GSE1: variants seen among roughly 807,000 people sequenced by gnomAD.
GSE1 encodes the protein Gse1 coiled-coil protein, also known as genetic suppressor element 1.
In GSE1, 32 loss-of-function variants were observed where a neutral mutation model predicts 112.6. That is an observed-to-expected ratio of 0.28 (90% confidence interval 0.21 to 0.38). The LOEUF is 0.38. Ranked by LOEUF, GSE1 falls within the 10% of genes least tolerant of loss-of-function variation. The pLI, the probability that GSE1 is intolerant of heterozygous loss-of-function variation, is 1.00. For synonymous variants in GSE1, 1,115 were observed against 735.6 expected (o/e 1.52, Z -8.35); for missense variants, 2,348 against 1,699.2 (o/e 1.38, Z -6.71).
At chr16:85,303,458 C>G (rs1344025121) in intron 1 of GSE1, among the ~76,000 whole-genome samples, 5 of 152,356 alleles carry the variant, frequency 3.3e-5, no homozygotes, top group Admixed American at 1.3e-4. Flanking sequence ...CTCCTAGCCA[C>G]CAGAGGGCGC....
intron 1 of GSE1, among the ~76,000 whole-genome samples, chr16:85,209,802 G>C (rs552272970): frequency 6.6e-6 from 1 of 152,218 alleles, no homozygotes; most frequent in Non-Finnish European, 1.5e-5. Flanking sequence ...TGAGGGGGCC[G>C]CTGGGAGAGG....
intron 2 of GSE1, among the ~76,000 whole-genome samples, chr16:85,493,671 T>C (rs1322928439): frequency 1.3e-5 from 2 of 151,626 alleles, no homozygotes; most frequent in Non-Finnish European, 2.9e-5. Flanking sequence ...GAGAATCGCT[T>C]GAACCCGGGA....
intron 2 of GSE1, among the ~76,000 whole-genome samples, chr16:85,360,275 T>G: frequency 6.7e-6 from 1 of 149,810 alleles, no homozygotes. Context: ...AGTCTGGGGG[T>G]GCCAAGAAGG....
chr16:85,482,867 C>T (rs193239970), intron 2 of GSE1, among the ~76,000 whole-genome samples: 175 of 151,934 alleles, frequency 1.2e-3, no homozygotes, highest in Non-Finnish European at 2.1e-3. Context: ...AATCTCAGCT[C>T]CTTGGGAGGC....
chr16:85,476,774 A>ATTTTT (rs549006723), intron 2 of GSE1, among the ~76,000 whole-genome samples: 1 of 127,518 alleles, frequency 7.8e-6, no homozygotes, highest in African/African-American at 2.8e-5. Context: ...ACGCCTGACC[A>ATTTTT]TTTTTTTTTT....
chr16:85,170,252 A>T (rs930521510), exon 1 of GSE1: 1 of 985,400 alleles, frequency 1.0e-6, no homozygotes, highest in African/African-American at 1.7e-5. Flanking sequence ...GCGAAGGCCC[A>T]CGCGGATGGG....
At chr16:85,564,390 G>A (rs756603649) in intron 1 of GSE1, among the ~76,000 whole-genome samples, 1 of 152,228 alleles carries the variant, frequency 6.6e-6, no homozygotes, top group Non-Finnish European at 1.5e-5. Flanking sequence ...TGGTGTTGGT[G>A]GTGGTGTGTG....
At chr16:85,361,825 A>C (rs767365059) in intron 2 of GSE1, among the ~76,000 whole-genome samples, 25 of 152,112 alleles carry the variant, frequency 1.6e-4, no homozygotes, top group Non-Finnish European at 2.9e-4. Context: ...GAAGGCGGTG[A>C]TGAGTTTGGT....
chr16:85,372,697 A>G (rs1481368810), intron 2 of GSE1, among the ~76,000 whole-genome samples: 3 of 152,056 alleles, frequency 2.0e-5, no homozygotes, highest in African/African-American at 7.3e-5. Context: ...TAGATTCCAG[A>G]TCCCAGTTCC....
chr16:85,315,233 G>C (rs2045962244), intron 1 of GSE1, among the ~76,000 whole-genome samples: 2 of 152,186 alleles, frequency 1.3e-5, no homozygotes, highest in African/African-American at 4.8e-5. Flanking sequence ...GGGAGGCTCA[G>C]CGGGAGGCCA....
chr16:85,342,859 A>G (rs1342651467), intron 1 of GSE1, among the ~76,000 whole-genome samples: 1 of 143,066 alleles, frequency 7.0e-6, no homozygotes, highest in Non-Finnish European at 1.5e-5. Context: ...TTTCAGCGGC[A>G]CCCCCTCTCC....
chr16:85,171,132 G>A, exon 1 of GSE1: 1 of 985,658 alleles, frequency 1.0e-6, no homozygotes. Flanking sequence ...GCTGCCCCAA[G>A]TGCTTCAGCG....
At chr16:85,503,012 C>T (rs1597980659) in intron 2 of GSE1, among the ~76,000 whole-genome samples, 1 of 152,292 alleles carries the variant, frequency 6.6e-6, no homozygotes, top group African/African-American at 2.4e-5. Flanking sequence ...TGGGAAAGGC[C>T]CCATGAGGAG....
rs373746902 is a variant in GSE1, at chr16:85,613,381, G to A, written c.-11G>A. On this transcript the variant is annotated 5_prime_UTR_variant, in exon 1 of 16. Transcript: ENST00000253458. The stretch of plus-strand genomic sequence containing the variant: ...CATGTATCAGCCGAGGTGGAGCTGC[G>A]GGGCCCTGGCATGAAAGGTGAGCGC... The A allele has an allele frequency of 3.8e-6, 6 of 1,568,420 alleles. No homozygotes were observed. Among genetic ancestry groups the A allele is most frequent in the East Asian group, 4.8e-5 (2 of 41,928 alleles).
chr16:85,262,826 C>T (rs59792375), intron 1 of GSE1, among the ~76,000 whole-genome samples: 2 of 152,312 alleles, frequency 1.3e-5, no homozygotes, highest in East Asian at 3.9e-4. Context: ...AAATGTGTTG[C>T]AATGGGAGCT....
intron 2 of GSE1, among the ~76,000 whole-genome samples, chr16:85,439,784 C>T (rs1400391042): frequency 2.0e-5 from 3 of 152,168 alleles, no homozygotes; most frequent in Non-Finnish European, 2.9e-5. Flanking sequence ...AAAGTGAGTG[C>T]ACACATGTGC....
At chr16:85,578,137 G>C (rs1220772645) in intron 1 of GSE1, among the ~76,000 whole-genome samples, 9 of 152,240 alleles carry the variant, frequency 5.9e-5, no homozygotes, top group Non-Finnish European at 4.4e-5. Context: ...CAGCAGGCTG[G>C]AGGAGATTGG....
chr16:85,487,546 T>C (rs1010671809), intron 2 of GSE1, among the ~76,000 whole-genome samples: 7 of 152,122 alleles, frequency 4.6e-5, no homozygotes, highest in Non-Finnish European at 5.9e-5. Context: ...GTGTTATAGA[T>C]GGGAAACAGG....
intron 2 of GSE1, among the ~76,000 whole-genome samples, chr16:85,493,678 G>GGGAGGA (rs1567534045): frequency 6.6e-6 from 1 of 151,416 alleles, no homozygotes; most frequent in East Asian, 1.9e-4. Flanking sequence ...GCTTGAACCC[G>GGGAGGA]GGAGGCGGAG....
Sources: gnomAD v4.1 joint callset for allele counts (sites outside exome capture counted in the v4.1 genomes callset) on GRCh38, gnomAD v4.1.1 for gene constraint, MANE v1.5 for transcripts, NCBI Gene and HGNC (gene_info 2026-07-23, HGNC 2026-07-21) for gene names.